Variants in PPP2R2B observed in about 807,000 individuals in gnomAD.
The protein encoded by PPP2R2B is protein phosphatase 2 regulatory subunit Bbeta, also known as serine/threonine-protein phosphatase 2A 55 kDa regulatory subunit B beta isoform.
Under a neutral mutation model 46.0 loss-of-function variants are expected in PPP2R2B, and 5 were observed. That is an observed-to-expected ratio of 0.11 (90% CI 0.06 to 0.23). PPP2R2B has a LOEUF of 0.23. Among genes scored for constraint, PPP2R2B ranks in the 10% least tolerant of loss-of-function variants. The probability of loss-of-function intolerance (pLI) is 1.00; values close to 1 mark genes in which losing one functional copy is unlikely to be tolerated. For missense variants in PPP2R2B, 367 were observed against 575.0 expected (o/e 0.64, Z 3.70); for synonymous variants, 215 against 206.7 (o/e 1.04, Z -0.34).
At position 146,696,245 on chromosome 5, in the gene PPP2R2B, A is replaced by G. The variant is rs117015008; in HGVS notation, c.334+1734T>C. Among the ~76,000 whole-genome samples, 992 of 152,098 alleles carry G rather than the reference A, an allele frequency of 6.5e-3. 23 individuals carry two copies. The East Asian group carries it at 0.1, about 16-fold the overall frequency. On this transcript the variant is annotated intron_variant, in intron 4 of 9. Coordinates refer to ENST00000394411, the MANE Select transcript of PPP2R2B (RefSeq NM_181675.4). Reference sequence around the variant, plus strand: ...CAGCCTCCCGAGTAGCCAGGACTACAGGTGCCGGCCACCACACCCGGCTAA... The same window carrying G: ...CAGCCTCCCGAGTAGCCAGGACTACGGGTGCCGGCCACCACACCCGGCTAA...
chr5:146,740,754 TG>T (rs1752826757), intron 2 of PPP2R2B, among the ~76,000 whole-genome samples: 1 of 151,850 alleles, frequency 6.6e-6, no homozygotes, highest in African/African-American at 2.4e-5. Context: ...CAGATGAACA[TG>T]AAAAAAAATT....
intron 2 of PPP2R2B, among the ~76,000 whole-genome samples, chr5:146,749,400 G>A (rs1412688577): frequency 1.3e-5 from 2 of 152,036 alleles, no homozygotes; most frequent in African/African-American, 4.8e-5. Flanking sequence ...TTGTGATGAG[G>A]TTCAATTTAT....
chr5:146,644,017 C>T (rs946960291), intron 6 of PPP2R2B, among the ~76,000 whole-genome samples: 1 of 152,170 alleles, frequency 6.6e-6, no homozygotes, highest in East Asian at 1.9e-4. Flanking sequence ...ACTTTACTTA[C>T]AAAAACACTT....
chr5:146,633,932 C>T (rs1361025056), intron 7 of PPP2R2B, among the ~76,000 whole-genome samples: 4 of 152,180 alleles, frequency 2.6e-5, no homozygotes, highest in African/African-American at 9.7e-5. Context: ...ACATGCCTCT[C>T]TTTTATACAT....
At chr5:146,892,276 T>G (rs965883534) in intron 1 of PPP2R2B, among the ~76,000 whole-genome samples, 1 of 152,182 alleles carries the variant, frequency 6.6e-6, no homozygotes, top group Non-Finnish European at 1.5e-5. Flanking sequence ...ACTTTTCTCA[T>G]AGTGGGTTTG....
At chr5:146,914,766 A>G (rs971009266) in intron 1 of PPP2R2B, among the ~76,000 whole-genome samples, 13 of 152,222 alleles carry the variant, frequency 8.5e-5, no homozygotes, top group Non-Finnish European at 1.6e-4. Flanking sequence ...CTTTGGCTAC[A>G]TAATGTAGAC....
chr5:146,844,842 A>G (rs1759888359), intron 2 of PPP2R2B, among the ~76,000 whole-genome samples: 2 of 152,160 alleles, frequency 1.3e-5, no homozygotes. Flanking sequence ...ACTTTCTTCC[A>G]ACTTTCACTT....
At chr5:146,619,012 G>A (rs1415134976) in intron 7 of PPP2R2B, among the ~76,000 whole-genome samples, 7 of 152,132 alleles carry the variant, frequency 4.6e-5, no homozygotes, top group Admixed American at 4.6e-4. Flanking sequence ...TGGTTCAGGG[G>A]CTCCATATCA....
intron 7 of PPP2R2B, among the ~76,000 whole-genome samples, chr5:146,622,320 T>C (rs1485972721): frequency 2.6e-5 from 4 of 152,228 alleles, no homozygotes; most frequent in Non-Finnish European, 5.9e-5. Context: ...TTTCATTGAA[T>C]CTGCACAACA....
At chr5:147,061,670 G>A (rs1757262007) in intron 2 of PPP2R2B, among the ~76,000 whole-genome samples, 1 of 152,260 alleles carries the variant, frequency 6.6e-6, no homozygotes, top group African/African-American at 2.4e-5. Flanking sequence ...AAGCAAGAGA[G>A]AGGTGGGAAG....
chr5:146,845,316 T>TTTTGC (rs1554144652), intron 2 of PPP2R2B, among the ~76,000 whole-genome samples: 1 of 66 alleles, frequency 0.015, no homozygotes. Context: ...TTTTTTTTGT[T>TTTTGC]TTTTTTTGAG....
At chr5:147,012,741 A>G (rs1434480969) in intron 1 of PPP2R2B, among the ~76,000 whole-genome samples, 4 of 151,550 alleles carry the variant, frequency 2.6e-5, no homozygotes, top group South Asian at 2.1e-4. Flanking sequence ...CCCTCTACAC[A>G]CTGCTTTGAA....
intron 5 of PPP2R2B, among the ~76,000 whole-genome samples, chr5:146,683,372 A>G (rs1263066257): frequency 3.3e-5 from 5 of 152,210 alleles, no homozygotes; most frequent in Admixed American, 6.5e-5. Flanking sequence ...CTTGGGTTTT[A>G]GAGTCATAAA....
intron 1 of PPP2R2B, among the ~76,000 whole-genome samples, chr5:146,900,599 C>CTTCTTTCA: frequency 7.9e-6 from 1 of 127,304 alleles, no homozygotes. Flanking sequence ...TCCTTCTTTC[C>CTTCTTTCA]TTCTTTTCTT....
Position 146,999,426 on chromosome 5 carries a change from T to G in PPP2R2B, c.79+56239A>C, listed in dbSNP as rs190950895. 9.9e-5 allele frequency among the ~76,000 whole-genome samples: 15 copies of G among 152,262 alleles called. No homozygotes were observed. In the East Asian group the frequency reaches 2.9e-3, roughly 29 times the overall value. ...CCTGGATGCATATTACAATCCACTT[T>G]GGAGTTAAAAAACAAAATATCAATA... On this transcript the variant is annotated intron_variant, in intron 1 of 8. Coordinates refer to the PPP2R2B transcript ENST00000336640.
At chr5:146,896,891 T>C (rs545206227) in intron 1 of PPP2R2B, among the ~76,000 whole-genome samples, 1 of 152,202 alleles carries the variant, frequency 6.6e-6, no homozygotes, top group Admixed American at 6.5e-5. Flanking sequence ...AAAACTAAAG[T>C]TCCAGGATAT....
At chr5:146,793,039 G>A (rs1161042693) in intron 2 of PPP2R2B, among the ~76,000 whole-genome samples, 1 of 152,192 alleles carries the variant, frequency 6.6e-6, no homozygotes, top group African/African-American at 2.4e-5. Flanking sequence ...AACAAAGTAT[G>A]TTAGATACTT....
At chr5:146,602,369 T>TA (rs762838186) in intron 7 of PPP2R2B, among the ~76,000 whole-genome samples, 43 of 152,222 alleles carry the variant, frequency 2.8e-4, no homozygotes, top group Non-Finnish European at 5.1e-4. Flanking sequence ...CAAAGCCAGA[T>TA]AAATTAACAG....
chr5:146,638,171 A>C, intron 7 of PPP2R2B, 80 bp downstream of exon 7: 1 of 1,434,052 alleles, frequency 7.0e-7, no homozygotes, highest in Non-Finnish European at 9.5e-7. Context: ...GTAGAAAGGG[A>C]GATCATAAGC....
Sources: allele counts gnomAD v4.1 joint callset (sites outside exome capture counted in the v4.1 genomes callset), GRCh38; gene constraint gnomAD v4.1.1; transcripts MANE v1.5; gene names NCBI Gene and HGNC (gene_info 2026-07-23, HGNC 2026-07-21).